The following CRIM1 variants were observed in gnomAD, a reference collection of about 807,000 sequenced individuals.
CRIM1 encodes cysteine rich transmembrane BMP regulator 1.
CRIM1 carries 32 observed loss-of-function variants against 116.4 expected under a neutral mutation model. That is an observed-to-expected ratio of 0.27 (90% CI 0.21 to 0.37). The LOEUF (loss-of-function observed/expected upper bound fraction) is 0.37, where lower values mean the gene tolerates loss of function less well. CRIM1 is among the 10% of genes least tolerant of loss of function. The pLI is 1.00. For missense variants in CRIM1, 1,331 were observed against 1,354.8 expected, an observed-to-expected ratio of 0.98 and a Z score of 0.28; for synonymous variants, 590 against 509.2, an observed-to-expected ratio of 1.16 and a Z score of -2.13.
At chr2:36,478,199 T>C (rs1374344266) in intron 6 of CRIM1, among the ~76,000 whole-genome samples, 1 of 152,194 alleles carries the variant, frequency 6.6e-6, no homozygotes, top group Non-Finnish European at 1.5e-5. Context: ...TTCATAACAG[T>C]GAGTTCTTTT....
Position 36,396,753 on chromosome 2 carries a change from G to C in CRIM1, c.471G>C (p.Gln157His). 6.2e-7 allele frequency: 1 copy of C among 1,613,016 alleles called. No homozygotes were observed. Among genetic ancestry groups the C allele is most frequent in the Non-Finnish European group, 8.5e-7 (1 of 1,179,160 alleles). ...TCSNPFEFPS[Q>H]DMCLSALKRI... ...GCAATCCCTTTGAGTTTCCAAGTCAGGATATGTGCCTTTCAGCTTTAAAGA... is the reference window on the plus strand; with the variant it reads ...GCAATCCCTTTGAGTTTCCAAGTCACGATATGTGCCTTTCAGCTTTAAAGA... Residue 157 changes from glutamine to histidine, a missense_variant, in exon 2 of 17, where the codon CAG becomes CAC. Transcript: ENST00000280527.
rs1270779862 is a variant in CRIM1 at position 36,548,685 on chromosome 2, T to A, written c.3095T>A (p.Phe1032Tyr). 6.3e-7 allele frequency: 1 copy of A among 1,592,506 alleles called. No homozygotes were observed. Among genetic ancestry groups the A allele is most frequent in the East Asian group, 2.2e-5 (1 of 44,740 alleles). The change falls in exon 17 of 17, where the codon TTC (phenylalanine) becomes TAC (tyrosine). Residue 1032 changes from phenylalanine to tyrosine, a missense_variant. Phe to Tyr is a conservative substitution (Grantham distance 22). Around this residue, in one of 3 missense-constraint regions of CRIM1, gnomAD observed 283 missense variants for 242.8 expected, o/e 1.17. Coordinates refer to ENST00000280527, the MANE Select transcript of CRIM1 (RefSeq NM_016441.3). ...CAGAACCATCTACAGGCAGACAATT[T>A]CTACCAAACAGTGTGAAGAAAGGCA... is the stretch of plus-strand genomic sequence containing the variant. ...QKQNHLQADN[F>Y]YQTV
At chr2:36,482,497 A>T (rs1679498004) in intron 7 of CRIM1, among the ~76,000 whole-genome samples, 1 of 152,166 alleles carries the variant, frequency 6.6e-6, no homozygotes, top group Non-Finnish European at 1.5e-5. Context: ...ATTTGAAGAC[A>T]TTTTTTCTCA....
At chr2:36,358,301 CA>C (rs1286701631) in intron 1 of CRIM1, among the ~76,000 whole-genome samples, 4 of 152,216 alleles carry the variant, frequency 2.6e-5, no homozygotes, top group Admixed American at 2.6e-4. Context: ...CTAAAAGATG[CA>C]TCTTTGAACC....
At chr2:36,521,028 T>G (rs1034288515) in intron 12 of CRIM1, among the ~76,000 whole-genome samples, 1 of 152,238 alleles carries the variant, frequency 6.6e-6, no homozygotes, top group Non-Finnish European at 1.5e-5. Flanking sequence ...TGAAGTTGAT[T>G]AGAAGTGCTC....
chr2:36,443,084 G>A (rs1675984550), intron 4 of CRIM1, among the ~76,000 whole-genome samples: 1 of 152,196 alleles, frequency 6.6e-6, no homozygotes, highest in Non-Finnish European at 1.5e-5. Context: ...ATCCTCTGCA[G>A]TGAATCTTGT....
chr2:36,423,468 A>G (rs1431469373), intron 2 of CRIM1, among the ~76,000 whole-genome samples: 1 of 152,244 alleles, frequency 6.6e-6, no homozygotes, highest in Non-Finnish European at 1.5e-5. Flanking sequence ...TGGTTGAAGT[A>G]TGTATTATAG....
At chr2:36,542,932 T>A (rs762264755) in intron 14 of CRIM1, among the ~76,000 whole-genome samples, 1 of 152,190 alleles carries the variant, frequency 6.6e-6, no homozygotes, top group African/African-American at 2.4e-5. Flanking sequence ...AATTCTGATA[T>A]GATTTTTAAA....
At chr2:36,373,472 A>G (rs1313807132) in intron 1 of CRIM1, among the ~76,000 whole-genome samples, 1 of 152,210 alleles carries the variant, frequency 6.6e-6, no homozygotes, top group Non-Finnish European at 1.5e-5. Context: ...ATTTGGGGAA[A>G]TCAGTTGCTT....
chr2:36,479,715 T>A, intron 7 of CRIM1, 21 bp downstream of exon 7: 1 of 1,608,660 alleles, frequency 6.2e-7, no homozygotes, highest in Non-Finnish European at 8.5e-7. Flanking sequence ...CAGATGCTAA[T>A]GAGTCCCTGG....
At chr2:36,384,552 T>C (rs1179752137) in intron 1 of CRIM1, among the ~76,000 whole-genome samples, 2 of 152,214 alleles carry the variant, frequency 1.3e-5, no homozygotes, top group East Asian at 1.9e-4. Context: ...CTTAAGACTT[T>C]TTAATCTTTC....
At chr2:36,417,229 CT>C (rs938799576) in intron 2 of CRIM1, among the ~76,000 whole-genome samples, 7 of 152,138 alleles carry the variant, frequency 4.6e-5, no homozygotes, top group African/African-American at 1.7e-4. Flanking sequence ...TTCTTCACCC[CT>C]CTTCTCTCTT....
intron 4 of CRIM1, among the ~76,000 whole-genome samples, chr2:36,447,917 A>G (rs559040703): frequency 6.6e-6 from 1 of 152,304 alleles, no homozygotes; most frequent in East Asian, 1.9e-4. Flanking sequence ...AAATTCGGGC[A>G]GCATTATAGT....
In CRIM1 at chr2:36,360,960, G is replaced by C. The variant is rs1029466851; in HGVS notation, c.331+4337G>C. ...TAGATCCCAGAGAGGAACAAGCAGA[G>C]GGCCTATAACATTATGTTAACAGGG... is the stretch of plus-strand genomic sequence containing the variant. On this transcript the variant is annotated intron_variant, in intron 1 of 16. Transcript: ENST00000280527. Among the ~76,000 whole-genome samples, 4 of 152,090 alleles carry C rather than the reference G, an allele frequency of 2.6e-5. 1 individual carries two copies. The highest frequency in any genetic ancestry group is 2.6e-4 in the Admixed American group (4 of 15,274).
At position 36,538,583 on chromosome 2, in the gene CRIM1, T is replaced by C. The variant is rs945545180; in HGVS notation, c.2623+1037T>C. Among the ~76,000 whole-genome samples, 5 of 152,238 alleles carry C rather than the reference T, an allele frequency of 3.3e-5. No individual in the cohort carries two copies. The South Asian group carries it at 6.2e-4, about 19-fold the overall frequency. On this transcript the variant is annotated intron_variant, in intron 14 of 16. Coordinates refer to ENST00000280527, the MANE Select transcript of CRIM1 (RefSeq NM_016441.3). ...GGGCAGTTGTTAAACCCAAAGAGTT[T>C]AAGTGAGCTCTGCACATGTTGGCCT...
chr2:36,360,976 G>T (rs577422462), intron 1 of CRIM1, among the ~76,000 whole-genome samples: 5 of 152,124 alleles, frequency 3.3e-5, no homozygotes, highest in Non-Finnish European at 2.9e-5. Flanking sequence ...ATAACATTAT[G>T]TTAACAGGGA....
intron 7 of CRIM1, among the ~76,000 whole-genome samples, chr2:36,485,508 C>G (rs1408700464): frequency 1.3e-5 from 2 of 152,128 alleles, no homozygotes; most frequent in Non-Finnish European, 2.9e-5. Context: ...ATCAAGCTGC[C>G]CTTCTAATGA....
intron 4 of CRIM1, among the ~76,000 whole-genome samples, chr2:36,443,672 G>C (rs1323299950): frequency 6.6e-6 from 1 of 152,182 alleles, no homozygotes; most frequent in African/African-American, 2.4e-5. Context: ...GAGTACCTGT[G>C]ATTATGCAAA....
chr2:36,451,354 T>C (rs1448824154), intron 4 of CRIM1, among the ~76,000 whole-genome samples: 1 of 152,136 alleles, frequency 6.6e-6, no homozygotes, highest in Non-Finnish European at 1.5e-5. Flanking sequence ...ATAGACAGTC[T>C]TTCTACCAAA....
Sources: gnomAD v4.1 joint callset for allele counts (sites outside exome capture counted in the v4.1 genomes callset) on GRCh38, gnomAD v4.1.1 for gene constraint, gnomAD v4.1.1 regional missense constraint, MANE v1.5 for transcripts, NCBI Gene and HGNC (gene_info 2026-07-23, HGNC 2026-07-21) for gene names.